Variants in MMP19 observed in about 807,000 individuals in gnomAD.
MMP19 encodes matrix metallopeptidase 19, also known as matrix metalloproteinase-19.
MMP19 carries 47 observed loss-of-function variants against 46.6 expected under a neutral mutation model. That is an observed-to-expected ratio of 1.01 (90% CI 0.80 to 1.29). The LOEUF (loss-of-function observed/expected upper bound fraction) is 1.29. MMP19 is among the 50% of genes most tolerant of loss of function. The pLI is 0.00. For synonymous variants in MMP19, 222 were observed against 248.5 expected (o/e 0.89, Z 1.00); for missense variants, 589 against 643.5 (o/e 0.92, Z 0.92).
chr12:55,841,744 C>T (rs997172140), intron 2 of MMP19, among the ~76,000 whole-genome samples: 2 of 152,078 alleles, frequency 1.3e-5, no homozygotes, highest in African/African-American at 4.8e-5. Context: ...CTAACCTTCT[C>T]CTACTCTGTG....
Position 55,838,034 on chromosome 12 carries a change from C to A in MMP19, c.896-27G>T. 1.3e-6 allele frequency: 2 copies of A among 1,530,506 alleles called. No individual in the cohort carries two copies. Among genetic ancestry groups the A allele is most frequent in the Admixed American group, 2.1e-5 (1 of 47,888 alleles). The allele number at this position is 1,530,506 out of a possible 1,614,324, so 94.8% of individuals were successfully genotyped here. On this transcript the variant is annotated intron_variant, in intron 6 of 8. Coordinates refer to ENST00000322569, the MANE Select transcript of MMP19 (RefSeq NM_002429.6). ...TGAGCGTAATGGTGTGTCAACAAGT[C>A]AAAAAGACAGAGGTCAAGTAGACAG...
At chr12:55,842,289 G>A (rs1480603071) in intron 2 of MMP19, 64 bp downstream of exon 2, 4 of 1,327,352 alleles carry the variant, frequency 3.0e-6, no homozygotes, top group Non-Finnish European at 4.4e-6. Context: ...GGGAGAGGAA[G>A]GGATGAGAAG....
intron 3 of MMP19, 73 bp from the exon 4 acceptor site, chr12:55,840,955 G>A: frequency 6.5e-7 from 1 of 1,534,058 alleles, no homozygotes; most frequent in Non-Finnish European, 8.8e-7. Flanking sequence ...TCTGGGTTTA[G>A]GCACTCAACC....
chr12:55,842,013 G>A (rs1881735090), intron 2 of MMP19, among the ~76,000 whole-genome samples: 1 of 152,164 alleles, frequency 6.6e-6, no homozygotes, highest in East Asian at 1.9e-4. Flanking sequence ...GTACCAAATT[G>A]AAGGCCCACA....
Position 55,839,536 on chromosome 12 carries a change from C to T in MMP19, c.726G>A (p.Lys242=), listed in dbSNP as rs1881521583. The T allele has an allele frequency of 6.2e-7, 1 of 1,613,390 alleles. No homozygotes were observed. Among genetic ancestry groups the T allele is most frequent in the Admixed American group, 1.7e-5 (1 of 59,980 alleles). Residue 242 remains lysine (K), a synonymous_variant, in exon 5 of 9, where the codon AAG becomes AAA. Transcript: ENST00000322569. ...PVYEGYRPHF[K]LHPDDVAGIQ... is the part of the protein sequence containing the mutation. ...TCCCTGCCACATCATCTGGGTGCAG[C>T]TTAAAGTGGGGCCGGTAGCCCTCGT... is the stretch of plus-strand genomic sequence containing the variant.
intron 6 of MMP19, 165 bp downstream of exon 6, chr12:55,838,441 A>C: frequency 1.3e-6 from 2 of 1,564,882 alleles, no homozygotes; most frequent in Non-Finnish European, 1.7e-6. Flanking sequence ...TTTGGCTCCG[A>C]ACTCTCCCTC....
At chr12:55,838,770 T>A in intron 5 of MMP19, 36 bp from the exon 6 acceptor site, 1 of 1,509,692 alleles carries the variant, frequency 6.6e-7, no homozygotes, top group Non-Finnish European at 9.0e-7. Context: ...GGGAGAGAAC[T>A]CACAGCACCT....
At position 55,836,924 on chromosome 12, in the gene MMP19, C is replaced by G. The variant is rs1881253462; in HGVS notation, c.*112G>C. On this transcript the variant is annotated 3_prime_UTR_variant, in exon 9 of 9. Transcript: ENST00000322569. Reference sequence around the variant, plus strand: ...ACAGCACCTGCAAGGTTCTACTGAGCAGACAGGTATTTCATTCAGCTATTA... The same window carrying G: ...ACAGCACCTGCAAGGTTCTACTGAGGAGACAGGTATTTCATTCAGCTATTA... 1 of 1,015,554 alleles carries G rather than the reference C, an allele frequency of 9.8e-7. No individual in the cohort carries two copies. The highest frequency in any genetic ancestry group is 1.6e-5 in the African/African-American group (1 of 62,080). 62.9% of individuals were successfully genotyped at this position (1,015,554 alleles called of 1,614,324 possible). A position where few individuals can be genotyped will look rare whatever the true frequency, so the allele number is the denominator to read the frequency against.
At chr12:55,838,035 A>G (rs1295140297) in intron 6 of MMP19, 28 bp from the exon 7 acceptor site, 5 of 1,532,034 alleles carry the variant, frequency 3.3e-6, no homozygotes, top group African/African-American at 1.4e-5. Flanking sequence ...TCAACAAGTC[A>G]AAAAGACAGA....
intron 2 of MMP19, chr12:55,841,490 G>T: frequency 2.4e-6 from 1 of 412,856 alleles, no homozygotes; most frequent in Non-Finnish European, 4.5e-6. Context: ...CTCAGGTGTA[G>T]CCTTCCTCCT....
rs1421637603 is a variant in MMP19, at chr12:55,842,741, T to TA, written c.87+2dup. The TA allele has an allele frequency of 5.0e-6, 8 of 1,601,474 alleles. No individual in the cohort carries two copies. The South Asian group carries it at 6.7e-5, about 13-fold the overall frequency. ...GCCCAGGTCTCTTTCTTGGGGGACT[T>TA]ACCACAGGCGCCACCTCTGCAAGCC... is the stretch of plus-strand genomic sequence containing the variant. On this transcript the variant is annotated splice_region_variant and intron_variant, in intron 1 of 8. Coordinates refer to ENST00000322569, the MANE Select transcript of MMP19 (RefSeq NM_002429.6).
Position 55,842,850 on chromosome 12 carries a change from T to A in MMP19, c.-20A>T. ...GTTCATGGTCCCACCAGACGAGAGC[T>A]CCAGAGGCTGTCCGTGCCTCTGACC... On this transcript the variant is annotated 5_prime_UTR_variant, in exon 1 of 9. Transcript: ENST00000322569. 2 of 1,574,324 alleles carry A rather than the reference T, an allele frequency of 1.3e-6. No individual in the cohort carries two copies. Among genetic ancestry groups the A allele is most frequent in the South Asian group, 2.3e-5 (2 of 86,040 alleles).
chr12:55,842,844 G>C lies in MMP19; in HGVS notation c.-14C>G. On this transcript the variant is annotated 5_prime_UTR_variant, in exon 1 of 9. Transcript: ENST00000322569. Reference sequence around the variant, plus strand: ...CTGGCAGTTCATGGTCCCACCAGACGAGAGCTCCAGAGGCTGTCCGTGCCT... The same window carrying C: ...CTGGCAGTTCATGGTCCCACCAGACCAGAGCTCCAGAGGCTGTCCGTGCCT... 3 of 1,577,744 alleles carry C rather than the reference G, an allele frequency of 1.9e-6. No individual in the cohort carries two copies. Among genetic ancestry groups the C allele is most frequent in the Non-Finnish European group, 2.6e-6 (3 of 1,161,858 alleles).
At chr12:55,839,850 T>C (rs542564062) in intron 4 of MMP19, 109 bp from the exon 5 acceptor site, 4 of 1,367,164 alleles carry the variant, frequency 2.9e-6, no homozygotes. Flanking sequence ...TTCCCCCAGC[T>C]ATGTTCACTG....
chr12:55,837,776 C>G (rs1285641871), intron 7 of MMP19, 67 bp downstream of exon 7: 4 of 1,596,694 alleles, frequency 2.5e-6, no homozygotes, highest in Non-Finnish European at 3.4e-6. Context: ...TTCTCATCTC[C>G]CTCCCTTTTA....
In MMP19 at chr12:55,841,158, A is replaced by G. The variant is rs1190957743; in HGVS notation, c.252T>C (p.Arg84=). ...DATRARMRQP[R]CGLEDPFNQK... ...GGTTGAAGGGATCCTCTAGGCCACA[A>G]CGAGGCTGCCTCATGCGGGCCCTTG... The change falls in exon 3 of 9, where the codon CGT becomes CGC. Residue 84 remains arginine (R), a synonymous_variant. Coordinates refer to ENST00000322569, the MANE Select transcript of MMP19 (RefSeq NM_002429.6). 6.2e-7 allele frequency: 1 copy of G among 1,613,740 alleles called. No homozygotes were observed. Among genetic ancestry groups the G allele is most frequent in the Non-Finnish European group, 8.5e-7 (1 of 1,179,974 alleles).
At position 55,839,686 on chromosome 12, in the gene MMP19, T is replaced by C. The variant is rs1881541127; in HGVS notation, c.576A>G (p.Glu192=). The C allele has an allele frequency of 1.9e-6, 3 of 1,614,070 alleles. No homozygotes were observed. Among genetic ancestry groups the C allele is most frequent in the South Asian group, 1.1e-5 (1 of 91,072 alleles). ...AGGTCCCCTCAGTCCAGAACTCGTC[T>C]TCGTCGAAGTGCACACTGCCCAGCT... The part of the protein sequence containing the change: ...IPELGSVHFD[E]DEFWTEGTYR... Residue 192 remains glutamate, a synonymous_variant, in exon 5 of 9, where the codon GAA becomes GAG. Transcript: ENST00000322569.
intron 3 of MMP19, 89 bp downstream of exon 3, chr12:55,841,017 T>G (rs1881652617): frequency 6.4e-7 from 1 of 1,566,798 alleles, no homozygotes; most frequent in Admixed American, 1.7e-5. Flanking sequence ...TATTCAACAC[T>G]GAGCTGGTCC....
intron 1 of MMP19, 101 bp downstream of exon 1, chr12:55,842,643 A>G: frequency 9.8e-7 from 1 of 1,016,824 alleles, no homozygotes. Context: ...GAGCAAGGGA[A>G]AGGCAGGCAG....
Sources: allele counts gnomAD v4.1 joint callset (sites outside exome capture counted in the v4.1 genomes callset), GRCh38; gene constraint gnomAD v4.1.1; transcripts MANE v1.5; gene names NCBI Gene and HGNC (gene_info 2026-07-23, HGNC 2026-07-21).